Variants in CERT1 observed in about 807,000 individuals in gnomAD.
CERT1 encodes the protein ceramide transporter 1.
A neutral mutation model predicts 87.9 loss-of-function variants in CERT1; 31 were observed. The ratio of observed to expected loss-of-function variants is 0.35; its 90% CI spans 0.27 to 0.48. The LOEUF is 0.48. Ranked by LOEUF, CERT1 falls within the 20% of genes least tolerant of loss-of-function variation. The pLI, the probability that CERT1 is intolerant of heterozygous loss-of-function variation, is 0.99. For synonymous variants in CERT1, 289 were observed against 250.9 expected (o/e 1.15, Z -1.44); for missense variants, 487 against 758.0 (o/e 0.64, Z 4.20).
chr5:75,509,717 A>G (rs1444188131), intron 1 of CERT1, among the ~76,000 whole-genome samples: 1 of 152,202 alleles, frequency 6.6e-6, no homozygotes, highest in African/African-American at 2.4e-5. Flanking sequence ...TATGGCAGTC[A>G]GCTTCCCATC....
At chr5:75,416,203 G>A (rs756780359) in intron 7 of CERT1, among the ~76,000 whole-genome samples, 21 of 152,022 alleles carry the variant, frequency 1.4e-4, no homozygotes, top group Admixed American at 9.2e-4. Flanking sequence ...CAAGCCTCTG[G>A]GCCTCAATTC....
intron 2 of CERT1, among the ~76,000 whole-genome samples, chr5:75,465,942 A>AG (rs1163919547): frequency 3.3e-5 from 5 of 152,188 alleles, no homozygotes; most frequent in Non-Finnish European, 7.4e-5. Context: ...ACAAGATAGG[A>AG]GATTGTAGGA....
chr5:75,502,447 T>C (rs1474317485), intron 2 of CERT1, among the ~76,000 whole-genome samples: 2 of 152,072 alleles, frequency 1.3e-5, no homozygotes, highest in South Asian at 2.1e-4. Context: ...TAATAAAAAT[T>C]AGGCATGATT....
Position 75,378,254 on chromosome 5 carries a change from T to C in CERT1, c.*1092A>G, listed in dbSNP as rs1271296751. On this transcript the variant is annotated 3_prime_UTR_variant, in exon 17 of 17. Coordinates refer to ENST00000643780, the MANE Select transcript of CERT1 (RefSeq NM_001379029.1). ...GGCCAACATGGTGAAACCCTGCCTC[T>C]ACTAAAAATACAAAAATAGGCTGGG... is the stretch of plus-strand genomic sequence containing the variant. 6.6e-6 allele frequency: 1 copy of C among 152,228 alleles called. No homozygotes were observed. The highest frequency in any genetic ancestry group is 1.5e-5 in the Non-Finnish European group (1 of 68,112). The allele number at this position is 152,228 out of a possible 1,614,324, so 9.4% of individuals were successfully genotyped here.
At chr5:75,477,159 C>G (rs1172565534) in intron 2 of CERT1, among the ~76,000 whole-genome samples, 1 of 152,158 alleles carries the variant, frequency 6.6e-6, no homozygotes, top group East Asian at 1.9e-4. Flanking sequence ...CCCTTTAAAA[C>G]TGACAGCATT....
intron 2 of CERT1, among the ~76,000 whole-genome samples, chr5:75,480,275 A>G (rs1352524422): frequency 6.6e-6 from 1 of 152,214 alleles, no homozygotes; most frequent in Non-Finnish European, 1.5e-5. Flanking sequence ...TGATTTCAAA[A>G]TAAGTTAAAA....
chr5:75,418,148 C>T (rs1402598266), intron 6 of CERT1, among the ~76,000 whole-genome samples: 2 of 152,108 alleles, frequency 1.3e-5, no homozygotes, highest in African/African-American at 4.8e-5. Context: ...AAGAGGGAAA[C>T]TCTGTCTCAA....
At chr5:75,491,311 A>C (rs1190554193) in intron 2 of CERT1, among the ~76,000 whole-genome samples, 1 of 152,070 alleles carries the variant, frequency 6.6e-6, no homozygotes, top group African/African-American at 2.4e-5. Context: ...GCAGGTCTTT[A>C]AAAATTTTTT....
At chr5:75,447,212 C>G (rs1445715954) in intron 3 of CERT1, among the ~76,000 whole-genome samples, 3 of 152,094 alleles carry the variant, frequency 2.0e-5, no homozygotes, top group African/African-American at 7.2e-5. Context: ...AACTTGCAAG[C>G]CTTTAGCAGA....
intron 17 of CERT1, chr5:75,370,682 T>A (rs1192341760): frequency 6.6e-6 from 1 of 152,136 alleles, no homozygotes; most frequent in South Asian, 2.1e-4. Context: ...CTGGGCGCGA[T>A]GGCTGAGGCC....
intron 1 of CERT1, among the ~76,000 whole-genome samples, chr5:75,508,714 G>A (rs994610261): frequency 6.6e-6 from 1 of 152,158 alleles, no homozygotes; most frequent in Non-Finnish European, 1.5e-5. Context: ...TCAGAAGCAA[G>A]CTACAAACAA....
intron 1 of CERT1, 76 bp downstream of exon 1, chr5:75,511,036 C>CA: frequency 6.9e-7 from 1 of 1,449,320 alleles, no homozygotes; most frequent in African/African-American, 1.4e-5. Flanking sequence ...CCGCCAGCCC[C>CA]ACCCCACCGC....
intron 6 of CERT1, among the ~76,000 whole-genome samples, chr5:75,418,110 C>T (rs1275927413): frequency 6.6e-6 from 1 of 152,166 alleles, no homozygotes; most frequent in East Asian, 1.9e-4. Context: ...GAGCTGAGAT[C>T]ACCACACTGC....
chr5:75,387,358 C>G (rs1347482125), intron 12 of CERT1, among the ~76,000 whole-genome samples: 1 of 152,142 alleles, frequency 6.6e-6, no homozygotes, highest in Admixed American at 6.5e-5. Flanking sequence ...TTCTACTGTT[C>G]TAGGTAGGCT....
At chr5:75,409,831 G>GTTTT (rs150553834) in intron 8 of CERT1, among the ~76,000 whole-genome samples, 2 of 137,874 alleles carry the variant, frequency 1.5e-5, no homozygotes, top group Non-Finnish European at 1.6e-5. Context: ...TGGCCAACAC[G>GTTTT]TTTTTTTTTT....
intron 7 of CERT1, among the ~76,000 whole-genome samples, chr5:75,412,145 T>A (rs1762956975): frequency 6.6e-6 from 1 of 152,228 alleles, no homozygotes; most frequent in Admixed American, 6.5e-5. Flanking sequence ...TTTTATTTCC[T>A]CATTTCAAAT....
chr5:75,465,347 C>T (rs1293870508), intron 2 of CERT1, among the ~76,000 whole-genome samples: 1 of 152,190 alleles, frequency 6.6e-6, no homozygotes, highest in Non-Finnish European at 1.5e-5. Context: ...CTGCCAAACA[C>T]TTGTGAGGCT....
intron 5 of CERT1, among the ~76,000 whole-genome samples, chr5:75,424,713 C>G (rs2112180460): frequency 6.6e-6 from 1 of 152,180 alleles, no homozygotes; most frequent in African/African-American, 2.4e-5. Context: ...TACTTATCTC[C>G]TCTAAGACTC....
chr5:75,478,871 A>C (rs1209628783), intron 2 of CERT1, among the ~76,000 whole-genome samples: 1 of 145,254 alleles, frequency 6.9e-6, no homozygotes, highest in African/African-American at 2.5e-5. Flanking sequence ...GTGTAAGATA[A>C]GATGAATCCG....
Sources: gnomAD v4.1 joint callset for allele counts (sites outside exome capture counted in the v4.1 genomes callset) on GRCh38, gnomAD v4.1.1 for gene constraint, MANE v1.5 for transcripts, NCBI Gene and HGNC (gene_info 2026-07-23, HGNC 2026-07-21) for gene names.